Variants in OTOA observed in about 807,000 individuals in gnomAD.
OTOA encodes the protein otoancorin, also known as cancer/testis antigen 108.
A neutral mutation model predicts 110.8 loss-of-function variants in OTOA; 70 were observed. That is an observed-to-expected ratio of 0.63 (90% CI 0.52 to 0.77). The LOEUF (loss-of-function observed/expected upper bound fraction) is 0.77, where lower values mean the gene tolerates loss of function less well. OTOA is among the 30% of genes least tolerant of loss of function. OTOA has a pLI of 0.00. For synonymous variants in OTOA, 373 were observed against 431.5 expected (o/e 0.86, Z 1.68); for missense variants, 917 against 1,075.8 (o/e 0.85, Z 2.06).
chr16:21,719,946 G>C (rs1278043780), intron 17 of OTOA, among the ~76,000 whole-genome samples: 1 of 151,092 alleles, frequency 6.6e-6, no homozygotes. Context: ...ACTAGAAGCA[G>C]TAACTGATTT....
intron 6 of OTOA, among the ~76,000 whole-genome samples, chr16:21,684,719 CCTT>C (rs199850780): frequency 0.072 from 9,438 of 130,302 alleles, 337 homozygotes; most frequent in Middle Eastern, 0.12. Context: ...TGAGGAATCC[CCTT>C]ATTATTATTA....
chr16:21,725,688 G>C (rs1474175231), intron 18 of OTOA, among the ~76,000 whole-genome samples: 1 of 152,262 alleles, frequency 6.6e-6, no homozygotes, highest in South Asian at 2.1e-4. Context: ...GAACATGTTT[G>C]GGGGAAGACG....
Position 21,679,165 on chromosome 16 carries a change from C to T in OTOA, c.152-19C>T. 6.2e-7 allele frequency: 1 copy of T among 1,613,856 alleles called. No homozygotes were observed. Among genetic ancestry groups the T allele is most frequent in the South Asian group, 1.1e-5 (1 of 91,084 alleles). Reference sequence around the variant, plus strand: ...ATGATTCCTTTTAAAGATGTCTTTTCATTTTACTCCCATTGTAGCACTGCT... The same window carrying T: ...ATGATTCCTTTTAAAGATGTCTTTTTATTTTACTCCCATTGTAGCACTGCT... On this transcript the variant is annotated intron_variant, in intron 4 of 28. Coordinates refer to ENST00000646100, the MANE Select transcript of OTOA (RefSeq NM_144672.4).
At chr16:21,706,316 G>A (rs1898167347) in intron 12 of OTOA, among the ~76,000 whole-genome samples, 1 of 152,204 alleles carries the variant, frequency 6.6e-6, no homozygotes, top group South Asian at 2.1e-4. Flanking sequence ...CAAGCTTCCA[G>A]GTGATTCTGG....
Position 21,678,913 on chromosome 16 carries a change from A to G in OTOA, c.92-2A>G. On this transcript the variant is annotated splice_acceptor_variant, in intron 2 of 28. Coordinates refer to ENST00000646100, the MANE Select transcript of OTOA (RefSeq NM_144672.4). LOFTEE classifies it high-confidence loss of function. The stretch of plus-strand genomic sequence containing the variant: ...GTTATACATTCAATGGCTTTCTTAC[A>G]GATTTGCATCCATTGTTGCAAAACA... 6.2e-7 allele frequency: 1 copy of G among 1,613,210 alleles called. No homozygotes were observed. The highest frequency in any genetic ancestry group is 8.5e-7 in the Non-Finnish European group (1 of 1,179,874).
chr16:21,668,034 T>C (rs938743333), intron 1 of OTOA, among the ~76,000 whole-genome samples: 1 of 152,134 alleles, frequency 6.6e-6, no homozygotes, highest in Non-Finnish European at 1.5e-5. Flanking sequence ...ATTATCAAAC[T>C]TAAAACTATT....
chr16:21,676,869 G>A (rs1966859066), intron 1 of OTOA, among the ~76,000 whole-genome samples: 1 of 152,122 alleles, frequency 6.6e-6, no homozygotes, highest in Non-Finnish European at 1.5e-5. Context: ...AGCAATTATA[G>A]AGCTCAGCTT....
At chr16:21,694,893 A>ACAC (rs1344913065) in intron 9 of OTOA, among the ~76,000 whole-genome samples, 2 of 152,184 alleles carry the variant, frequency 1.3e-5, no homozygotes, top group African/African-American at 4.8e-5. Context: ...TCAGAGTCTC[A>ACAC]CACTGGGTAA....
At chr16:21,747,355 G>GT (rs1335514943) in intron 24 of OTOA, 2 of 120,592 alleles carry the variant, frequency 1.7e-5, no homozygotes, top group African/African-American at 5.4e-5. Context: ...CCTTCGCACC[G>GT]ATTTTAATTC....
chr16:21,679,011 T>C, intron 3 of OTOA, 25 bp from the exon 4 acceptor site: 1 of 1,613,988 alleles, frequency 6.2e-7, no homozygotes, highest in Non-Finnish European at 8.5e-7. Context: ...GTTGTTATAC[T>C]TGATGTTATC....
chr16:21,759,076 G>T lies in OTOA; in HGVS notation c.3350-1394G>T, dbSNP rs1353904127. On this transcript the variant is annotated intron_variant, in intron 28 of 28. Coordinates refer to ENST00000646100, the MANE Select transcript of OTOA (RefSeq NM_144672.4). Reference sequence around the variant, plus strand: ...ATATATTTGAAAGTTATTTGTAAATGTTATAGCGTTTTGCATGAATAGATA... The same window carrying T: ...ATATATTTGAAAGTTATTTGTAAATTTTATAGCGTTTTGCATGAATAGATA... 3.9e-5 allele frequency among the ~76,000 whole-genome samples: 6 copies of T among 152,146 alleles called. 1 individual carries two copies. Among genetic ancestry groups the T allele is most frequent in the Non-Finnish European group, 7.4e-5 (5 of 68,024 alleles).
intron 1 of OTOA, among the ~76,000 whole-genome samples, chr16:21,672,271 A>G (rs1966850219): frequency 6.6e-6 from 1 of 152,100 alleles, no homozygotes; most frequent in African/African-American, 2.4e-5. Flanking sequence ...TCCTATGCAT[A>G]TAATATGGGT....
At chr16:21,724,804 T>G (rs1898863748) in intron 18 of OTOA, among the ~76,000 whole-genome samples, 2 of 152,068 alleles carry the variant, frequency 1.3e-5, no homozygotes, top group Admixed American at 6.6e-5. Context: ...TGAGACAGAG[T>G]CTCCCTCTGT....
rs1567366190 is a variant in OTOA at position 21,684,755 on chromosome 16, TA to T, written c.268-474del. 2.0e-3 allele frequency among the ~76,000 whole-genome samples: 154 copies of T among 76,994 alleles called. 1 individual carries two copies. Among genetic ancestry groups the T allele is most frequent in the African/African-American group, 5.2e-3 (146 of 28,072 alleles). The allele number at this position is 76,994 out of a possible 152,430, so 50.5% of individuals were successfully genotyped here. A position where few individuals can be genotyped will look rare whatever the true frequency, so the allele number is the denominator to read the frequency against. The stretch of plus-strand genomic sequence containing the variant: ...TTATTATTATTATTATTATTATTAT[TA>T]TTATTATTATTTTTTAGGTGGAGTC... On this transcript the variant is annotated intron_variant, in intron 6 of 28. Coordinates refer to ENST00000646100, the MANE Select transcript of OTOA (RefSeq NM_144672.4).
intron 9 of OTOA, among the ~76,000 whole-genome samples, chr16:21,692,927 C>CAAA (rs34170544): frequency 0.29 from 27,788 of 96,616 alleles, 4,375 homozygotes; most frequent in African/African-American, 0.39. Context: ...GACTCTGTCT[C>CAAA]AAAAAAAAAA....
At position 21,709,956 on chromosome 16, in the gene OTOA, G is replaced by A. The variant is rs143326637; in HGVS notation, c.1173G>A (p.Ser391=). Residue 391 remains serine, a synonymous_variant, in exon 13 of 29, where the codon TCG becomes TCA. Transcript: ENST00000646100. ...QTLNETLGSL[S]DAVVGLTYSQ... ...TCAATGAGACCCTGGGTTCTTTGTC[G>A]GATGCAGTTGTAGGTTTGACCTACA... 91 of 1,613,806 alleles carry A rather than the reference G, an allele frequency of 5.6e-5. No individual in the cohort carries two copies. The African/African-American group carries it at 9.5e-4, about 17-fold the overall frequency.
At position 21,682,112 on chromosome 16, in the gene OTOA, G is replaced by A. The variant is rs567017627; in HGVS notation, c.267+287G>A. Among the ~76,000 whole-genome samples the A allele has an allele frequency of 4.6e-5, 7 of 152,192 alleles. No individual in the cohort carries two copies. In the South Asian group the frequency reaches 8.3e-4, roughly 18 times the overall value. ...AAACAATTTAGTTTATTTCTTTCTC[G>A]TACAATAGTCCAGAGCTAAGTGGGA... On this transcript the variant is annotated intron_variant, in intron 6 of 28. Coordinates refer to ENST00000646100, the MANE Select transcript of OTOA (RefSeq NM_144672.4).
chr16:21,681,693 G>A (rs1966894378), intron 5 of OTOA, 45 bp from the exon 6 acceptor site: 1 of 1,535,118 alleles, frequency 6.5e-7, no homozygotes, highest in Non-Finnish European at 9.0e-7. Context: ...GTGCTTGTAG[G>A]AGAATCTGTC....
At chr16:21,727,034 T>G (rs990824014) in intron 19 of OTOA, 20 of 261,144 alleles carry the variant, frequency 7.7e-5, no homozygotes, top group Non-Finnish European at 1.2e-4. Context: ...TTTTTTTTTT[T>G]GGGACAGAGT....
Sources: gnomAD v4.1 joint callset for allele counts (sites outside exome capture counted in the v4.1 genomes callset) on GRCh38, gnomAD v4.1.1 for gene constraint, MANE v1.5 for transcripts, NCBI Gene and HGNC (gene_info 2026-07-23, HGNC 2026-07-21) for gene names.